SULT4A1: variants seen among roughly 807,000 people sequenced by gnomAD.
The protein encoded by SULT4A1 is sulfotransferase 4A1.
A neutral mutation model predicts 35.2 loss-of-function variants in SULT4A1; 11 were observed. The ratio of observed to expected loss-of-function variants is 0.31; its 90% CI spans 0.20 to 0.52. The LOEUF (loss-of-function observed/expected upper bound fraction) is 0.52, where lower values mean the gene tolerates loss of function less well. Ranked by LOEUF, SULT4A1 falls within the 20% of genes least tolerant of loss-of-function variation. SULT4A1 has a pLI of 0.97. For missense variants in SULT4A1, 271 were observed against 383.7 expected, an observed-to-expected ratio of 0.71 and a Z score of 2.45; for synonymous variants, 152 against 151.8, an observed-to-expected ratio of 1.00 and a Z score of -0.01.
intron 1 of SULT4A1, among the ~76,000 whole-genome samples, chr22:43,843,304 G>A (rs141270172): frequency 2.0e-5 from 3 of 152,164 alleles, no homozygotes; most frequent in Admixed American, 6.5e-5. Flanking sequence ...CATCTGTAGT[G>A]CCAGCTACTC....
intron 1 of SULT4A1, among the ~76,000 whole-genome samples, chr22:43,853,295 T>A (rs1243537585): frequency 6.6e-6 from 1 of 152,180 alleles, no homozygotes; most frequent in Non-Finnish European, 1.5e-5. Context: ...TCTCTGACCA[T>A]TTTCTAGCTA....
At chr22:43,828,946 TA>T in intron 6 of SULT4A1, 113 bp downstream of exon 6, 1 of 1,210,954 alleles carries the variant, frequency 8.3e-7, no homozygotes. Flanking sequence ...CAGACTGCTG[TA>T]AAAGGAGAGC....
chr22:43,852,013 AGCTTT>A (rs1361809890), intron 1 of SULT4A1, among the ~76,000 whole-genome samples: 2 of 152,024 alleles, frequency 1.3e-5, no homozygotes, highest in Non-Finnish European at 2.9e-5. Context: ...GGGAGTTCAG[AGCTTT>A]CTATCCCTTT....
At chr22:43,859,186 C>G (rs1014466876) in intron 1 of SULT4A1, among the ~76,000 whole-genome samples, 7 of 152,176 alleles carry the variant, frequency 4.6e-5, no homozygotes, top group African/African-American at 1.7e-4. Context: ...CACCATGAGT[C>G]TCCCCTCAGC....
Position 43,825,237 on chromosome 22 carries a change from G to A in SULT4A1, c.*764C>T, listed in dbSNP as rs1412819157. 3 of 152,242 alleles carry A rather than the reference G, an allele frequency of 2.0e-5. No homozygotes were observed. Among genetic ancestry groups the A allele is most frequent in the Admixed American group, 6.5e-5 (1 of 15,278 alleles). 9.4% of individuals were successfully genotyped at this position (152,242 alleles called of 1,614,324 possible). On this transcript the variant is annotated 3_prime_UTR_variant, in exon 7 of 7. Coordinates refer to ENST00000330884, the MANE Select transcript of SULT4A1 (RefSeq NM_014351.4). Reference sequence around the variant, plus strand: ...TTTGGTGGCCGACTCTCCACCCACTGCATGCAAATGCTCCTGACTGCATTA... The same window carrying A: ...TTTGGTGGCCGACTCTCCACCCACTACATGCAAATGCTCCTGACTGCATTA...
chr22:43,859,876 T>C (rs1464894363), intron 1 of SULT4A1, among the ~76,000 whole-genome samples: 5 of 152,214 alleles, frequency 3.3e-5, no homozygotes, highest in Non-Finnish European at 7.3e-5. Flanking sequence ...ATTCATTAGA[T>C]GTAAGCAGCC....
At chr22:43,852,578 C>T (rs1383290906) in intron 1 of SULT4A1, among the ~76,000 whole-genome samples, 3 of 152,044 alleles carry the variant, frequency 2.0e-5, no homozygotes, top group Non-Finnish European at 4.4e-5. Context: ...CCCCAGCAGA[C>T]ACTGAGAATG....
intron 1 of SULT4A1, among the ~76,000 whole-genome samples, chr22:43,844,755 C>T (rs917384269): frequency 6.6e-5 from 10 of 152,188 alleles, no homozygotes; most frequent in Admixed American, 6.5e-5. Context: ...CCCTTCAAGT[C>T]GGCCTTTTCT....
At chr22:43,855,719 A>C (rs771417063) in intron 1 of SULT4A1, among the ~76,000 whole-genome samples, 1 of 151,116 alleles carries the variant, frequency 6.6e-6, no homozygotes, top group Non-Finnish European at 1.5e-5. Flanking sequence ...CATGCCCACC[A>C]CCTGATCTAG....
intron 4 of SULT4A1, among the ~76,000 whole-genome samples, chr22:43,836,821 C>T (rs1186229709): frequency 6.6e-6 from 1 of 152,018 alleles, no homozygotes; most frequent in Non-Finnish European, 1.5e-5. Context: ...CGTCCTCACA[C>T]TGCAGGTGCC....
At chr22:43,846,232 C>A (rs778632304) in intron 1 of SULT4A1, among the ~76,000 whole-genome samples, 1 of 152,248 alleles carries the variant, frequency 6.6e-6, no homozygotes, top group Non-Finnish European at 1.5e-5. Flanking sequence ...CTCCTCCCTG[C>A]GCCTGCTCAG....
At position 43,826,042 on chromosome 22, in the gene SULT4A1, T is replaced by G. The variant is rs775766086; in HGVS notation, c.814A>C (p.Lys272Gln). 10 of 1,614,102 alleles carry G rather than the reference T, an allele frequency of 6.2e-6. No homozygotes were observed. The highest frequency in any genetic ancestry group is 7.6e-6 in the Non-Finnish European group (9 of 1,180,046). Residue 272 changes from lysine to glutamine, a missense_variant, in exon 7 of 7, where the codon AAG (lysine) becomes CAG (glutamine). Lys to Gln is a moderately conservative substitution (Grantham distance 53). Coordinates refer to ENST00000330884, the MANE Select transcript of SULT4A1 (RefSeq NM_014351.4). Reference sequence around the variant, plus strand: ...AACGTGAGGTCACACTTTCCCATCTTCTGTTTATACACCAAGTCAAACTTC... The same window carrying G: ...AACGTGAGGTCACACTTTCCCATCTGCTGTTTATACACCAAGTCAAACTTC... ...NEKFDLVYKQ[K>Q]MGKCDLTFDF...
At chr22:43,842,011 G>C in intron 1 of SULT4A1, 79 bp from the exon 2 acceptor site, 1 of 1,528,078 alleles carries the variant, frequency 6.5e-7, no homozygotes, top group Non-Finnish European at 8.8e-7. Flanking sequence ...AACACCTGCT[G>C]CCCAAGAAGG....
chr22:43,854,483 A>T (rs2049379374), intron 1 of SULT4A1, among the ~76,000 whole-genome samples: 1 of 152,100 alleles, frequency 6.6e-6, no homozygotes, highest in Non-Finnish European at 1.5e-5. Flanking sequence ...CCAAAATCAA[A>T]ATTCAGACCT....
At chr22:43,840,959 G>C (rs2063422522) in intron 2 of SULT4A1, among the ~76,000 whole-genome samples, 1 of 149,824 alleles carries the variant, frequency 6.7e-6, no homozygotes, top group African/African-American at 2.5e-5. Flanking sequence ...GTCCCCCCCT[G>C]ATCTGCTCCC....
At chr22:43,842,023 G>T in intron 1 of SULT4A1, 91 bp from the exon 2 acceptor site, 1 of 1,502,230 alleles carries the variant, frequency 6.7e-7, no homozygotes, top group Non-Finnish European at 8.9e-7. Context: ...CCAAGAAGGG[G>T]CTCAAGAGCC....
chr22:43,832,888 C>G (rs1010080568), intron 5 of SULT4A1, among the ~76,000 whole-genome samples: 1 of 152,150 alleles, frequency 6.6e-6, no homozygotes, highest in Non-Finnish European at 1.5e-5. Context: ...ACCTCCTCCC[C>G]ATCCCAGCTC....
At chr22:43,852,432 C>T (rs1284537823) in intron 1 of SULT4A1, among the ~76,000 whole-genome samples, 1 of 151,780 alleles carries the variant, frequency 6.6e-6, no homozygotes, top group East Asian at 1.9e-4. Flanking sequence ...CCTGCCTCAG[C>T]CTCCCAAAGT....
intron 1 of SULT4A1, among the ~76,000 whole-genome samples, chr22:43,858,145 T>C (rs189483374): frequency 6.0e-5 from 9 of 151,060 alleles, no homozygotes; most frequent in Middle Eastern, 7.0e-3. Context: ...ATCCCAGTAC[T>C]TTGGGAGGCC....
Sources: allele counts gnomAD v4.1 joint callset (sites outside exome capture counted in the v4.1 genomes callset), GRCh38; gene constraint gnomAD v4.1.1; transcripts MANE v1.5; gene names NCBI Gene and HGNC (gene_info 2026-07-23, HGNC 2026-07-21).